Variants in C1QTNF2 observed in about 807,000 individuals in gnomAD.
The protein encoded by C1QTNF2 is complement C1q tumor necrosis factor-related protein 2.
C1QTNF2 carries 15 observed loss-of-function variants against 17.4 expected under a neutral mutation model. The ratio of observed to expected loss-of-function variants is 0.86; its 90% CI spans 0.58 to 1.33. The LOEUF (loss-of-function observed/expected upper bound fraction) is 1.33, where lower values mean the gene tolerates loss of function less well. Ranked by LOEUF, C1QTNF2 falls within the 40% of genes most tolerant of loss-of-function variation. The probability of loss-of-function intolerance (pLI) is 0.00; values close to 1 mark genes in which losing one functional copy is unlikely to be tolerated. For missense variants in C1QTNF2, 381 were observed against 392.3 expected (o/e 0.97, Z 0.24); for synonymous variants, 154 against 163.3 (o/e 0.94, Z 0.44).
intron 1 of C1QTNF2, among the ~76,000 whole-genome samples, chr5:160,366,233 T>C (rs981482179): frequency 1.3e-5 from 2 of 152,248 alleles, no homozygotes; most frequent in Non-Finnish European, 2.9e-5. Flanking sequence ...CCGTGAGCTT[T>C]TAATGATACC....
In C1QTNF2 at chr5:160,354,782, T is replaced by A; in HGVS notation, c.230A>T (p.Asp77Val). Reference sequence around the variant, plus strand: ...AGGCCTCTTACCTTCCTCTCCGCTGTCCCCCCGGTCGCCGTCGTGTCCATC... The same window carrying A: ...AGGCCTCTTACCTTCCTCTCCGCTGACCCCCCGGTCGCCGTCGTGTCCATC... ...GQDGHDGDRG[D>V]SGEEGPPGRT... is the part of the protein sequence containing the mutation. The change falls in exon 2 of 3, where the codon GAC (aspartate) becomes GTC (valine). Residue 77 changes from aspartate to valine, a missense_variant. Physicochemically the swap from Asp to Val is radical, Grantham distance 152 (BLOSUM62 -3). Transcript: ENST00000652664. The A allele has an allele frequency of 6.2e-7, 1 of 1,613,424 alleles. No individual in the cohort carries two copies. Among genetic ancestry groups the A allele is most frequent in the South Asian group, 1.1e-5 (1 of 91,036 alleles).
intron 1 of C1QTNF2, among the ~76,000 whole-genome samples, chr5:160,362,049 G>A (rs1764164533): frequency 1.3e-5 from 2 of 152,214 alleles, no homozygotes; most frequent in African/African-American, 4.8e-5. Flanking sequence ...TCAACACGCA[G>A]CTGTTGAATA....
chr5:160,361,985 G>A (rs1581038819), intron 1 of C1QTNF2, among the ~76,000 whole-genome samples: 1 of 152,204 alleles, frequency 6.6e-6, no homozygotes, highest in African/African-American at 2.4e-5. Flanking sequence ...GGCCCTGCAT[G>A]TTGCTCTCAG....
rs966868852 is a variant in C1QTNF2 at position 160,354,931 on chromosome 5, G to C, written c.81C>G (p.Phe27Leu). The C allele has an allele frequency of 6.3e-7, 1 of 1,598,834 alleles. No homozygotes were observed. Among genetic ancestry groups the C allele is most frequent in the Admixed American group, 1.8e-5 (1 of 56,978 alleles). ...AGACCAGTTGAGGGGAGCCTTTCCG[G>C]AAGTCCCTGCGAGCAAAGGCGCCAA... ...PLLGAFARRDFRKGSPQLVCS... is the reference protein window; with the variant it reads ...PLLGAFARRDLRKGSPQLVCS... The change falls in exon 2 of 3, where the codon TTC becomes TTG. Residue 27 changes from phenylalanine (F) to leucine (L), a missense_variant. Coordinates refer to ENST00000652664, the MANE Select transcript of C1QTNF2 (RefSeq NM_031908.6).
At chr5:160,353,440 TC>T (rs1380374859) in intron 2 of C1QTNF2, among the ~76,000 whole-genome samples, 1 of 152,108 alleles carries the variant, frequency 6.6e-6, no homozygotes, top group African/African-American at 2.4e-5. Flanking sequence ...CCATTTCATT[TC>T]ATACGGTCCT....
At chr5:160,354,597 A>AAAT (rs769774870) in intron 2 of C1QTNF2, among the ~76,000 whole-genome samples, 171 bp downstream of exon 2, 6 of 89,302 alleles carry the variant, frequency 6.7e-5, no homozygotes, top group Admixed American at 1.2e-4. Flanking sequence ...AAAAAAAAAA[A>AAAT]GTATATATAT....
intron 1 of C1QTNF2, among the ~76,000 whole-genome samples, chr5:160,365,026 T>C (rs1384401246): frequency 6.6e-6 from 1 of 152,206 alleles, no homozygotes; most frequent in Non-Finnish European, 1.5e-5. Flanking sequence ...GCTGCTCCTG[T>C]AGGGCCCACT....
At chr5:160,354,547 C>G (rs1763989218) in intron 2 of C1QTNF2, among the ~76,000 whole-genome samples, 1 of 141,322 alleles carries the variant, frequency 7.1e-6, no homozygotes. Flanking sequence ...TCACTGCACA[C>G]CAGCCTGGGC....
intron 1 of C1QTNF2, among the ~76,000 whole-genome samples, chr5:160,362,615 C>T (rs1581039180): frequency 1.3e-5 from 2 of 152,088 alleles, no homozygotes; most frequent in South Asian, 2.1e-4. Flanking sequence ...GTCCCACTGG[C>T]GTTTGAGGAC....
chr5:160,352,070 T>A (rs1352845541), intron 2 of C1QTNF2, among the ~76,000 whole-genome samples: 2 of 151,960 alleles, frequency 1.3e-5, no homozygotes, highest in African/African-American at 2.4e-5. Flanking sequence ...ACCACCACAC[T>A]TAGTTAATTT....
intron 1 of C1QTNF2, among the ~76,000 whole-genome samples, chr5:160,364,672 CT>C (rs1446219717): frequency 1.3e-5 from 2 of 152,340 alleles, no homozygotes; most frequent in African/African-American, 4.8e-5. Flanking sequence ...CCCATTTTCA[CT>C]TATCACTTTG....
intron 1 of C1QTNF2, among the ~76,000 whole-genome samples, chr5:160,360,469 C>G (rs141725856): frequency 6.6e-6 from 1 of 152,154 alleles, no homozygotes; most frequent in Admixed American, 6.5e-5. Context: ...CGAATCAGAT[C>G]AAATCCCTCC....
rs995403746 is a variant in C1QTNF2 at position 160,348,735 on chromosome 5, C to CAA, written c.*431_*432dup. The CAA allele has an allele frequency of 6.3e-6, 1 of 159,306 alleles. No individual in the cohort carries two copies. Among genetic ancestry groups the CAA allele is most frequent in the African/African-American group, 2.4e-5 (1 of 41,508 alleles). 9.9% of individuals were successfully genotyped at this position (159,306 alleles called of 1,614,324 possible). On this transcript the variant is annotated 3_prime_UTR_variant, in exon 3 of 3. Coordinates refer to ENST00000652664, the MANE Select transcript of C1QTNF2 (RefSeq NM_031908.6). ...CTGTATGTAAGTAAACCTAAAAACG[C>CAA]AAACTTAAAAAAAGAAACAAATTTC...
At chr5:160,363,905 A>G (rs1194327011) in intron 1 of C1QTNF2, among the ~76,000 whole-genome samples, 1 of 152,174 alleles carries the variant, frequency 6.6e-6, no homozygotes, top group Non-Finnish European at 1.5e-5. Flanking sequence ...TCATATCCCC[A>G]TATCGCATCC....
chr5:160,358,713 G>A (rs2113521846), intron 1 of C1QTNF2, among the ~76,000 whole-genome samples: 1 of 152,286 alleles, frequency 6.6e-6, no homozygotes, highest in East Asian at 1.9e-4. Context: ...TTCAGTTACA[G>A]ATGGGGAAAC....
In C1QTNF2 at chr5:160,354,998, A is replaced by G. The variant is rs573207194; in HGVS notation, c.14T>C (p.Val5Ala). Residue 5 changes from valine to alanine, a missense_variant, in exon 2 of 3, where the codon GTG (valine) becomes GCG (alanine). Coordinates refer to ENST00000652664, the MANE Select transcript of C1QTNF2 (RefSeq NM_031908.6). ...ACAGGGGAGGGCACAGGCCAGGAGCACCCAGGGGATCATGGTGGTTACCTG... is the reference window on the plus strand; with the variant it reads ...ACAGGGGAGGGCACAGGCCAGGAGCGCCCAGGGGATCATGGTGGTTACCTG... MIPWVLLACALPCAA... is the reference protein window; with the variant it reads MIPWALLACALPCAA... 5.7e-6 allele frequency: 9 copies of G among 1,575,388 alleles called. No individual in the cohort carries two copies. The East Asian group carries it at 1.6e-4, about 28-fold the overall frequency.
At chr5:160,356,669 G>A (rs560806156) in intron 1 of C1QTNF2, among the ~76,000 whole-genome samples, 5 of 152,266 alleles carry the variant, frequency 3.3e-5, no homozygotes, top group South Asian at 4.2e-4. Flanking sequence ...CAATCAGAGC[G>A]TTTAAGTATT....
chr5:160,357,289 G>C (rs1764068762), intron 1 of C1QTNF2, among the ~76,000 whole-genome samples: 1 of 152,222 alleles, frequency 6.6e-6, no homozygotes, highest in Non-Finnish European at 1.5e-5. Flanking sequence ...CTTCAACCAG[G>C]GGGAGGAGGA....
intron 2 of C1QTNF2, among the ~76,000 whole-genome samples, chr5:160,352,779 C>G (rs1277254786): frequency 6.6e-6 from 1 of 152,194 alleles, no homozygotes; most frequent in Non-Finnish European, 1.5e-5. Context: ...TACTTTTATA[C>G]TAATCTCCTG....
Sources: gnomAD v4.1 joint callset for allele counts (sites outside exome capture counted in the v4.1 genomes callset) on GRCh38, gnomAD v4.1.1 for gene constraint, MANE v1.5 for transcripts, NCBI Gene and HGNC (gene_info 2026-07-23, HGNC 2026-07-21) for gene names.